The following STPG2 variants were observed in gnomAD, a reference collection of about 807,000 sequenced individuals.
STPG2 encodes the protein sperm tail PG-rich repeat containing 2, also known as sperm-tail PG-rich repeat-containing protein 2.
A neutral mutation model predicts 54.2 loss-of-function variants in STPG2; 56 were observed. That is an observed-to-expected ratio of 1.03 (90% CI 0.83 to 1.29). The LOEUF (loss-of-function observed/expected upper bound fraction) is 1.29. Ranked by LOEUF, STPG2 falls within the 50% of genes most tolerant of loss-of-function variation. STPG2 has a pLI of 0.00. For synonymous variants in STPG2, 200 were observed against 181.8 expected (o/e 1.10, Z -0.81); for missense variants, 596 against 544.9 (o/e 1.09, Z -0.93).
At chr4:97,912,322 G>T (rs994222855) in intron 8 of STPG2, among the ~76,000 whole-genome samples, 1 of 152,180 alleles carries the variant, frequency 6.6e-6, no homozygotes, top group Admixed American at 6.5e-5. Context: ...GGCTGAGACC[G>T]CTGAATTGAA....
At chr4:97,818,875 A>T (rs930449691) in intron 9 of STPG2, among the ~76,000 whole-genome samples, 1 of 150,336 alleles carries the variant, frequency 6.7e-6, no homozygotes, top group Middle Eastern at 3.5e-3. Context: ...TATGCTTCTT[A>T]CCAAATATAA....
In STPG2 at chr4:97,654,291, C is replaced by G. The variant is rs554532261; in HGVS notation, c.1320+58408G>C. Among the ~76,000 whole-genome samples the G allele has an allele frequency of 3.9e-5, 6 of 152,228 alleles. No homozygotes were observed. In the South Asian group the frequency reaches 8.3e-4, roughly 21 times the overall value. On this transcript the variant is annotated intron_variant, in intron 10 of 10. Transcript: ENST00000295268. ...GAACATCATAAATCACCAAGCAATA[C>G]ACATTTTAAAATATTTGGACTTTGC...
intron 10 of STPG2, among the ~76,000 whole-genome samples, chr4:97,669,401 GAAT>G (rs914244794): frequency 2.0e-5 from 3 of 152,272 alleles, no homozygotes; most frequent in South Asian, 2.1e-4. Flanking sequence ...TTAGTTTGGA[GAAT>G]AATAAGAAAA....
intron 5 of STPG2, among the ~76,000 whole-genome samples, chr4:97,985,342 G>T (rs1295524174): frequency 2.0e-5 from 3 of 152,128 alleles, no homozygotes; most frequent in Non-Finnish European, 4.4e-5. Context: ...GTTGGCACTT[G>T]GGTATCAGAA....
intron 9 of STPG2, among the ~76,000 whole-genome samples, chr4:97,797,547 C>T (rs1727237216): frequency 6.6e-6 from 1 of 152,178 alleles, no homozygotes; most frequent in Admixed American, 6.5e-5. Flanking sequence ...CCCACTTGAT[C>T]ACAGTGGATA....
chr4:97,490,556 G>C (rs1447071750), intron 4 of STPG2, among the ~76,000 whole-genome samples: 1 of 151,470 alleles, frequency 6.6e-6, no homozygotes, highest in Non-Finnish European at 1.5e-5. Context: ...TAGGATAACA[G>C]TTTTTAAAAA....
At chr4:97,874,415 T>C (rs115292737) in intron 8 of STPG2, among the ~76,000 whole-genome samples, 3,069 of 151,796 alleles carry the variant, frequency 0.02, 116 homozygotes, top group African/African-American at 0.07. Context: ...TACAATTAAG[T>C]TTTGACATAT....
chr4:97,660,985 G>A (rs1280025354), intron 10 of STPG2, among the ~76,000 whole-genome samples: 1 of 151,878 alleles, frequency 6.6e-6, no homozygotes, highest in Non-Finnish European at 1.5e-5. Flanking sequence ...GCTAAGTCAC[G>A]AATAATAAAC....
intron 4 of STPG2, among the ~76,000 whole-genome samples, chr4:97,479,030 ACACT>A (rs888420453): frequency 2.6e-5 from 4 of 151,926 alleles, no homozygotes; most frequent in African/African-American, 9.7e-5. Context: ...GCATACAAAC[ACACT>A]CAAACAAATA....
chr4:97,724,252 T>A (rs527879597), intron 9 of STPG2, among the ~76,000 whole-genome samples: 130 of 152,286 alleles, frequency 8.5e-4, no homozygotes, highest in Non-Finnish European at 9.9e-4. Flanking sequence ...CACACATTTA[T>A]ATGAGATCAT....
intron 9 of STPG2, among the ~76,000 whole-genome samples, chr4:97,729,063 T>TTCTCTCTCTCTCTGTCTCTCTCTCTC (rs1553908007): frequency 8.0e-6 from 1 of 124,844 alleles, no homozygotes; most frequent in Admixed American, 9.1e-5. Flanking sequence ...CCCCAAGAAT[T>TTCTCTCTCTCTCTGTCTCTCTCTCTC]TCTCTCTCTC....
At chr4:97,575,957 TG>T (rs994667126) in intron 10 of STPG2, among the ~76,000 whole-genome samples, 2 of 152,156 alleles carry the variant, frequency 1.3e-5, no homozygotes, top group African/African-American at 4.8e-5. Context: ...CTAGCATTTT[TG>T]TATAGCAACA....
intron 5 of STPG2, among the ~76,000 whole-genome samples, chr4:98,089,988 A>C (rs1437519465): frequency 1.3e-5 from 2 of 151,766 alleles, no homozygotes; most frequent in African/African-American, 4.8e-5. Flanking sequence ...ATTTTCTCCC[A>C]CCCTGTGGGT....
At chr4:97,861,677 G>T (rs1729546415) in intron 8 of STPG2, among the ~76,000 whole-genome samples, 1 of 152,104 alleles carries the variant, frequency 6.6e-6, no homozygotes, top group South Asian at 2.1e-4. Context: ...AGAGAGAAAG[G>T]TCGGGTTACC....
rs72881469 is a variant in STPG2, at chr4:97,848,583, A to G, written c.1045-7651T>C. ...ACCCTCATCCTTATATTCTCTCAAG[A>G]TATTGACTGTAGCTCCTGTCATAAT... is the stretch of plus-strand genomic sequence containing the variant. On this transcript the variant is annotated intron_variant, in intron 8 of 10. Transcript: ENST00000295268. 2.0e-3 allele frequency among the ~76,000 whole-genome samples: 300 copies of G among 152,246 alleles called. 1 individual carries two copies. Among genetic ancestry groups the G allele is most frequent in the African/African-American group, 7.1e-3 (294 of 41,546 alleles).
At chr4:97,971,568 G>A (rs1734327702) in intron 7 of STPG2, among the ~76,000 whole-genome samples, 1 of 152,026 alleles carries the variant, frequency 6.6e-6, no homozygotes, top group Admixed American at 6.6e-5. Context: ...ACACACCGCA[G>A]GTTCTCACTC....
chr4:97,694,290 T>G (rs944649514), intron 10 of STPG2, among the ~76,000 whole-genome samples: 2 of 151,878 alleles, frequency 1.3e-5, no homozygotes, highest in African/African-American at 2.4e-5. Context: ...ATCAAGAAGA[T>G]AGAGGATCCA....
intron 1 of STPG2, among the ~76,000 whole-genome samples, chr4:98,140,345 C>T (rs994660853): frequency 1.3e-5 from 2 of 151,820 alleles, no homozygotes; most frequent in Non-Finnish European, 2.9e-5. Context: ...CTTGATATTA[C>T]AAAGGATTTT....
At chr4:98,095,154 G>C (rs966683907) in intron 5 of STPG2, among the ~76,000 whole-genome samples, 7 of 152,036 alleles carry the variant, frequency 4.6e-5, no homozygotes, top group Non-Finnish European at 8.8e-5. Flanking sequence ...AAGCCTCATG[G>C]TAGCCTCAAA....
Sources: allele counts gnomAD v4.1 joint callset (sites outside exome capture counted in the v4.1 genomes callset), GRCh38; gene constraint gnomAD v4.1.1; transcripts MANE v1.5; gene names NCBI Gene and HGNC (gene_info 2026-07-23, HGNC 2026-07-21).